The following ARPC2 variants were observed in gnomAD, a reference collection of about 807,000 sequenced individuals.
ARPC2 encodes actin related protein 2/3 complex subunit 2, also known as actin-related protein 2/3 complex subunit 2.
A neutral mutation model predicts 38.6 loss-of-function variants in ARPC2; 4 were observed. The observed-to-expected ratio is 0.10, with a 90% CI of 0.05 to 0.24. The LOEUF is 0.24. Among genes scored for constraint, ARPC2 ranks in the 10% least tolerant of loss-of-function variants. The pLI, the probability that ARPC2 is intolerant of heterozygous loss-of-function variation, is 1.00. For synonymous variants in ARPC2, 125 were observed against 140.8 expected (o/e 0.89, Z 0.79); for missense variants, 229 against 387.3 (o/e 0.59, Z 3.43).
At chr2:218,234,486 T>A (rs1689720212) in intron 5 of ARPC2, 89 bp downstream of exon 5, 1 of 1,055,448 alleles carries the variant, frequency 9.5e-7, no homozygotes. Flanking sequence ...GGATTTCGTT[T>A]AAATATTATT....
intron 2 of ARPC2, among the ~76,000 whole-genome samples, chr2:218,224,856 A>G (rs930553187): frequency 6.6e-6 from 1 of 152,198 alleles, no homozygotes; most frequent in Non-Finnish European, 1.5e-5. Context: ...TATATATTCC[A>G]TTATTTCCCA....
chr2:218,221,192 G>A (rs900826612), intron 2 of ARPC2, among the ~76,000 whole-genome samples: 4 of 152,192 alleles, frequency 2.6e-5, no homozygotes, highest in African/African-American at 7.2e-5. Flanking sequence ...TGCTGGCTCC[G>A]TGCCACAGCC....
intron 3 of ARPC2, among the ~76,000 whole-genome samples, 184 bp downstream of exon 3, chr2:218,226,138 C>A (rs910575222): frequency 6.6e-6 from 1 of 151,838 alleles, no homozygotes; most frequent in Non-Finnish European, 1.5e-5. Context: ...ACTAAAAATA[C>A]AAAAATTAGC....
chr2:218,219,460 A>C (rs1226365243), intron 2 of ARPC2, among the ~76,000 whole-genome samples: 1 of 151,294 alleles, frequency 6.6e-6, no homozygotes, highest in African/African-American at 2.4e-5. Context: ...AGTGAGTCTC[A>C]TGTCTCGGCT....
chr2:218,250,390 G>A (rs1690156845), intron 10 of ARPC2, among the ~76,000 whole-genome samples: 1 of 152,196 alleles, frequency 6.6e-6, no homozygotes, highest in African/African-American at 2.4e-5. Context: ...CGTGACGGGC[G>A]CTGTGGCTCA....
chr2:218,224,936 G>A (rs570161159), intron 2 of ARPC2, among the ~76,000 whole-genome samples: 47 of 152,312 alleles, frequency 3.1e-4, no homozygotes, highest in Non-Finnish European at 6.5e-4. Flanking sequence ...GGAAAGATAC[G>A]TACTTGATTA....
intron 9 of ARPC2, 35 bp downstream of exon 9, chr2:218,249,499 C>G (rs765301910): frequency 2.7e-6 from 4 of 1,490,728 alleles, no homozygotes; most frequent in Non-Finnish European, 3.7e-6. Flanking sequence ...CCTCTATGCT[C>G]TGGGTCTTTT....
intron 4 of ARPC2, among the ~76,000 whole-genome samples, chr2:218,230,024 G>A (rs891201614): frequency 6.6e-6 from 1 of 151,078 alleles, no homozygotes; most frequent in African/African-American, 2.4e-5. Context: ...AGGCTGTACT[G>A]CAGTGGCGCC....
intron 2 of ARPC2, among the ~76,000 whole-genome samples, chr2:218,221,768 A>G (rs985259574): frequency 2.6e-5 from 4 of 152,192 alleles, no homozygotes; most frequent in Non-Finnish European, 4.4e-5. Context: ...TGTTCTCCAT[A>G]TTTTGATATA....
chr2:218,252,651 G>A (rs138295583), intron 10 of ARPC2, among the ~76,000 whole-genome samples: 91 of 152,250 alleles, frequency 6.0e-4, no homozygotes, highest in Middle Eastern at 3.4e-3. Context: ...TGTGATAACC[G>A]GACTGGAAGG....
At chr2:218,221,859 T>G (rs1041365717) in intron 2 of ARPC2, among the ~76,000 whole-genome samples, 1 of 152,232 alleles carries the variant, frequency 6.6e-6, no homozygotes, top group African/African-American at 2.4e-5. Flanking sequence ...TGATGGGAGC[T>G]TTATAGAAGA....
chr2:218,228,518 A>C (rs1039861576), intron 3 of ARPC2, among the ~76,000 whole-genome samples: 1 of 152,238 alleles, frequency 6.6e-6, no homozygotes, highest in Non-Finnish European at 1.5e-5. Context: ...GATTAAGGAA[A>C]GAATAGCTTT....
At chr2:218,218,564 C>A (rs528988382) in intron 2 of ARPC2, among the ~76,000 whole-genome samples, 1 of 152,362 alleles carries the variant, frequency 6.6e-6, no homozygotes, top group East Asian at 1.9e-4. Context: ...TGCCTCATTT[C>A]CCTATGTATG....
chr2:218,226,746 A>G (rs1334740218), intron 3 of ARPC2, among the ~76,000 whole-genome samples: 1 of 151,906 alleles, frequency 6.6e-6, no homozygotes, highest in Non-Finnish European at 1.5e-5. Context: ...GACTGACAAT[A>G]TAAAGTTACC....
intron 5 of ARPC2, 73 bp from the exon 6 acceptor site, chr2:218,238,590 CT>C (rs34654904): frequency 0.019 from 8,014 of 423,760 alleles, no homozygotes; most frequent in Middle Eastern, 0.033. Context: ...TAGTATGCTG[CT>C]TTTTTTTTTT....
chr2:218,222,646 T>TA (rs1689409664), intron 2 of ARPC2, among the ~76,000 whole-genome samples: 1 of 152,152 alleles, frequency 6.6e-6, no homozygotes, highest in South Asian at 2.1e-4. Context: ...ACCGCAATCC[T>TA]AAAACCTCTC....
At chr2:218,231,130 C>T (rs1689624207) in intron 4 of ARPC2, among the ~76,000 whole-genome samples, 1 of 152,112 alleles carries the variant, frequency 6.6e-6, no homozygotes, top group African/African-American at 2.4e-5. Flanking sequence ...AAGGTTATTA[C>T]TTTGTCACAG....
At chr2:218,236,771 A>G (rs1237519339) in intron 5 of ARPC2, 1 of 147,684 alleles carries the variant, frequency 6.8e-6, no homozygotes, top group Non-Finnish European at 1.5e-5. Flanking sequence ...CAGCCTGGGC[A>G]ATAAGAGTAA....
chr2:218,245,581 T>C, intron 8 of ARPC2, 35 bp downstream of exon 8: 1 of 1,613,008 alleles, frequency 6.2e-7, no homozygotes, highest in Non-Finnish European at 8.5e-7. Flanking sequence ...TTGTGCCGCT[T>C]TAATGAGTTC....
Sources: gnomAD v4.1 joint callset for allele counts (sites outside exome capture counted in the v4.1 genomes callset) on GRCh38, gnomAD v4.1.1 for gene constraint, MANE v1.5 for transcripts, NCBI Gene and HGNC (gene_info 2026-07-23, HGNC 2026-07-21) for gene names.